Variants in DLG2 observed in about 807,000 individuals in gnomAD.
DLG2 encodes the protein discs large MAGUK scaffold protein 2, also known as disks large homolog 2.
In DLG2, 45 loss-of-function variants were observed where a neutral mutation model predicts 132.5. That is an observed-to-expected ratio of 0.34 (90% CI 0.27 to 0.44). DLG2 has a LOEUF of 0.44. DLG2 is among the 20% of genes least tolerant of loss of function. The probability of loss-of-function intolerance (pLI) is 1.00; values close to 1 mark genes in which losing one functional copy is unlikely to be tolerated. For missense variants in DLG2, 1,045 were observed against 1,196.9 expected, an observed-to-expected ratio of 0.87 and a Z score of 1.87; for synonymous variants, 424 against 419.6, an observed-to-expected ratio of 1.01 and a Z score of -0.13.
chr11:84,916,585 C>T (rs937951800), intron 6 of DLG2, among the ~76,000 whole-genome samples: 2 of 152,060 alleles, frequency 1.3e-5, no homozygotes. Flanking sequence ...TCTAAGTTTT[C>T]AACATATTTC....
chr11:84,421,480 T>C (rs753749820), intron 7 of DLG2, among the ~76,000 whole-genome samples: 2 of 152,190 alleles, frequency 1.3e-5, no homozygotes, highest in Non-Finnish European at 2.9e-5. Context: ...GTGATTTCCA[T>C]GCACACTAAA....
chr11:84,380,065 GT>G (rs1372105424), intron 7 of DLG2, among the ~76,000 whole-genome samples: 1 of 151,900 alleles, frequency 6.6e-6, no homozygotes, highest in Non-Finnish European at 1.5e-5. Flanking sequence ...CTAGAATTTT[GT>G]TGCCATGAAA....
At chr11:85,391,585 C>A (rs1288313993) in intron 3 of DLG2, among the ~76,000 whole-genome samples, 4 of 152,002 alleles carry the variant, frequency 2.6e-5, no homozygotes, top group African/African-American at 4.8e-5. Flanking sequence ...AAAGATCATC[C>A]ACCATGATCA....
chr11:84,060,593 C>A (rs1367498246), intron 10 of DLG2, among the ~76,000 whole-genome samples: 2 of 150,774 alleles, frequency 1.3e-5, no homozygotes, highest in East Asian at 1.9e-4. Context: ...TTTCCATAAA[C>A]CTTTCCAGGT....
At chr11:84,742,040 G>C (rs1320283572) in intron 6 of DLG2, among the ~76,000 whole-genome samples, 1 of 151,716 alleles carries the variant, frequency 6.6e-6, no homozygotes, top group African/African-American at 2.4e-5. Flanking sequence ...ACAATTGAGA[G>C]CTTCAACAAA....
At chr11:85,302,130 G>T (rs1488554082) in intron 3 of DLG2, among the ~76,000 whole-genome samples, 1 of 152,248 alleles carries the variant, frequency 6.6e-6, no homozygotes, top group East Asian at 1.9e-4. Flanking sequence ...ATTCTGGAAG[G>T]CTGACCGCAC....
chr11:83,593,957 T>C (rs1043290827), intron 19 of DLG2, among the ~76,000 whole-genome samples: 1 of 152,154 alleles, frequency 6.6e-6, no homozygotes, highest in Non-Finnish European at 1.5e-5. Flanking sequence ...AATGGCTATA[T>C]ATATCGTAAA....
intron 3 of DLG2, among the ~76,000 whole-genome samples, chr11:85,308,276 T>G (rs990888995): frequency 6.6e-6 from 1 of 151,078 alleles, no homozygotes; most frequent in Non-Finnish European, 1.5e-5. Context: ...AAAAAAGGAA[T>G]TAAAAAAAAA....
intron 6 of DLG2, among the ~76,000 whole-genome samples, chr11:84,878,628 C>G (rs2086795939): frequency 6.6e-6 from 1 of 151,954 alleles, no homozygotes; most frequent in Non-Finnish European, 1.5e-5. Context: ...ATGGGTGCAG[C>G]AAACTACATG....
chr11:84,128,532 A>G (rs1403803393), intron 9 of DLG2, among the ~76,000 whole-genome samples: 2 of 152,138 alleles, frequency 1.3e-5, no homozygotes, highest in African/African-American at 4.8e-5. Context: ...TTCCTTCTAG[A>G]AATGTGAATA....
At chr11:85,091,484 A>T (rs565961993) in intron 6 of DLG2, among the ~76,000 whole-genome samples, 2 of 152,314 alleles carry the variant, frequency 1.3e-5, no homozygotes, top group South Asian at 4.1e-4. Context: ...CATTTATTGG[A>T]ATTTCCTTTC....
intron 18 of DLG2, among the ~76,000 whole-genome samples, chr11:83,670,009 C>A (rs957075909): frequency 6.6e-6 from 1 of 152,142 alleles, no homozygotes; most frequent in Admixed American, 6.5e-5. Flanking sequence ...GCTTTAAATT[C>A]TTTGGTCTCT....
intron 7 of DLG2, among the ~76,000 whole-genome samples, chr11:84,305,364 T>C (rs1387814692): frequency 3.3e-5 from 5 of 152,164 alleles, no homozygotes; most frequent in South Asian, 2.1e-4. Context: ...ACAGCAGATA[T>C]ACAATAAATT....
intron 6 of DLG2, among the ~76,000 whole-genome samples, chr11:85,076,801 G>A (rs1209672698): frequency 6.6e-6 from 1 of 152,024 alleles, no homozygotes; most frequent in East Asian, 1.9e-4. Context: ...CCACAAACCA[G>A]AGTGAAAGAT....
chr11:83,828,420 AT>A (rs1389294942), intron 17 of DLG2, among the ~76,000 whole-genome samples: 3 of 152,234 alleles, frequency 2.0e-5, no homozygotes, highest in Non-Finnish European at 4.4e-5. Flanking sequence ...CTACTCGAGC[AT>A]TTCCCACTAC....
chr11:85,056,137 T>A (rs2063432843), intron 6 of DLG2, among the ~76,000 whole-genome samples: 1 of 152,102 alleles, frequency 6.6e-6, no homozygotes, highest in African/African-American at 2.4e-5. Flanking sequence ...AGAGTTGCCA[T>A]TGATACAGAT....
chr11:84,644,705 C>CAAA (rs61451048), intron 6 of DLG2, among the ~76,000 whole-genome samples: 3 of 119,386 alleles, frequency 2.5e-5, no homozygotes, highest in East Asian at 2.3e-4. Context: ...GACTCCATTT[C>CAAA]AAAAAAAAAA....
intron 3 of DLG2, among the ~76,000 whole-genome samples, chr11:85,519,011 A>T (rs767710068): frequency 6.6e-5 from 10 of 152,182 alleles, no homozygotes; most frequent in Non-Finnish European, 1.5e-4. Flanking sequence ...TTCAGAAGAC[A>T]TATGGAAAGA....
intron 6 of DLG2, among the ~76,000 whole-genome samples, chr11:84,599,849 T>C (rs898337560): frequency 4.6e-5 from 7 of 151,838 alleles, no homozygotes; most frequent in African/African-American, 1.7e-4. Context: ...CAGGGTAACA[T>C]GGCAAAACCC....
Sources: allele counts gnomAD v4.1 joint callset (sites outside exome capture counted in the v4.1 genomes callset), GRCh38; gene constraint gnomAD v4.1.1; transcripts MANE v1.5; gene names NCBI Gene and HGNC (gene_info 2026-07-23, HGNC 2026-07-21).